The following IL1RAPL1 variants were observed in gnomAD, a reference collection of about 807,000 sequenced individuals.
IL1RAPL1 encodes the protein interleukin-1 receptor accessory protein-like 1.
A neutral mutation model predicts 48.4 loss-of-function variants in IL1RAPL1; 3 were observed. The ratio of observed to expected loss-of-function variants is 0.06; its 90% confidence interval spans 0.03 to 0.16. IL1RAPL1 has a LOEUF of 0.16. IL1RAPL1 is among the 10% of genes least tolerant of loss of function. The pLI is 1.00. For synonymous variants in IL1RAPL1, 185 were observed against 187.7 expected (o/e 0.99, Z 0.12); for missense variants, 349 against 530.6 (o/e 0.66, Z 3.36).
chrX:29,122,615 A>G (rs1347707755), intron 2 of IL1RAPL1, among the ~76,000 whole-genome samples: 2 of 110,813 alleles, frequency 1.8e-5, no homozygotes, highest in Non-Finnish European at 3.8e-5. Context: ...AAATTGGGCA[A>G]TATCAATGAC....
chrX:29,935,710 T>C (rs1933022149), intron 8 of IL1RAPL1, among the ~76,000 whole-genome samples: 1 of 111,724 alleles, frequency 9.0e-6, no homozygotes. Flanking sequence ...GAATAGTTCA[T>C]TAACACATAA....
At chrX:28,695,816 C>A (rs1935224095) in intron 1 of IL1RAPL1, among the ~76,000 whole-genome samples, 1 of 111,653 alleles carries the variant, frequency 9.0e-6, no homozygotes, top group South Asian at 3.7e-4. Context: ...ATTGGCCCAG[C>A]CATGAAGAGT....
intron 1 of IL1RAPL1, among the ~76,000 whole-genome samples, chrX:28,707,963 C>T (rs1236327024): frequency 9.0e-6 from 1 of 110,851 alleles, no homozygotes; most frequent in Non-Finnish European, 1.9e-5. Context: ...CTTTTTTTTC[C>T]AAAGCATCAA....
chrX:29,739,717 A>G (rs1033710956), intron 6 of IL1RAPL1, among the ~76,000 whole-genome samples: 4 of 111,313 alleles, frequency 3.6e-5, no homozygotes, highest in Non-Finnish European at 7.5e-5. Flanking sequence ...AATTTAGAGT[A>G]CCTTGCTCTT....
intron 6 of IL1RAPL1, among the ~76,000 whole-genome samples, chrX:29,914,823 A>T (rs1310335901): frequency 8.9e-6 from 1 of 112,795 alleles, no homozygotes; most frequent in Non-Finnish European, 1.9e-5. Context: ...CAATCAATGG[A>T]ATTGACATTT....
chrX:29,446,791 G>A (rs1934617349), intron 5 of IL1RAPL1, among the ~76,000 whole-genome samples: 1 of 111,446 alleles, frequency 9.0e-6, no homozygotes, highest in African/African-American at 3.3e-5. Context: ...ATAATGCCCA[G>A]TATAATTTAG....
intron 5 of IL1RAPL1, among the ~76,000 whole-genome samples, chrX:29,604,696 G>C (rs1043442172): frequency 9.0e-6 from 1 of 111,709 alleles, no homozygotes; most frequent in African/African-American, 3.3e-5. Flanking sequence ...CAACATACAA[G>C]TCATTTTTGA....
At chrX:29,547,269 T>C (rs774502337) in intron 5 of IL1RAPL1, among the ~76,000 whole-genome samples, 1 of 111,625 alleles carries the variant, frequency 9.0e-6, no homozygotes, top group East Asian at 2.8e-4. Context: ...CATATTAATA[T>C]GTTTTAACTC....
chrX:29,744,810 A>G (rs1277510402), intron 6 of IL1RAPL1, among the ~76,000 whole-genome samples: 1 of 112,297 alleles, frequency 8.9e-6, no homozygotes, highest in Non-Finnish European at 1.9e-5. Context: ...ATAATTTGTG[A>G]TGGAAATAAA....
At chrX:29,115,927 G>A (rs1928669047) in intron 2 of IL1RAPL1, among the ~76,000 whole-genome samples, 1 of 109,106 alleles carries the variant, frequency 9.2e-6, no homozygotes. Flanking sequence ...TATTATTTTA[G>A]GTGTTACTCT....
chrX:28,594,052 T>C (rs1403139411), intron 1 of IL1RAPL1, among the ~76,000 whole-genome samples: 4 of 111,823 alleles, frequency 3.6e-5, no homozygotes, highest in African/African-American at 1.3e-4. Flanking sequence ...AAATGCATGG[T>C]TTATTCTATC....
intron 2 of IL1RAPL1, among the ~76,000 whole-genome samples, chrX:29,036,962 G>C (rs760281558): frequency 8.9e-6 from 1 of 111,827 alleles, no homozygotes; most frequent in Non-Finnish European, 1.9e-5. Context: ...TTTTGAAAGT[G>C]CTACTATAAG....
At chrX:29,486,396 TC>T (rs962520508) in intron 5 of IL1RAPL1, among the ~76,000 whole-genome samples, 1 of 109,904 alleles carries the variant, frequency 9.1e-6, no homozygotes, top group Non-Finnish European at 1.9e-5. Flanking sequence ...AATTCGAATC[TC>T]CCCAAAATAG....
Position 29,646,742 on chromosome X carries a change from GTA to G in IL1RAPL1, c.704-21687_704-21686del, listed in dbSNP as rs1925339675. Among the ~76,000 whole-genome samples, 3 of 110,411 alleles carry G rather than the reference GTA, an allele frequency of 2.7e-5. No individual in the cohort carries two copies. The Admixed American group carries it at 2.9e-4, about 11-fold the overall frequency. ...AAAAAAGAAAATAAAGGGAGTTTCAGTACACTTAGCAGTAGCAGCACATTTCT... is the reference window on the plus strand; with the variant it reads ...AAAAAAGAAAATAAAGGGAGTTTCAGCACTTAGCAGTAGCAGCACATTTCT... On this transcript the variant is annotated intron_variant, in intron 5 of 10. Coordinates refer to ENST00000378993, the MANE Select transcript of IL1RAPL1 (RefSeq NM_014271.4).
At chrX:29,240,226 T>A (rs201523916) in intron 2 of IL1RAPL1, among the ~76,000 whole-genome samples, 20 of 23,138 alleles carry the variant, frequency 8.6e-4, no homozygotes, top group African/African-American at 2.9e-3. Flanking sequence ...ATATATATAT[T>A]TTTTTTTTTT....
At chrX:29,133,039 G>A (rs1043819769) in intron 2 of IL1RAPL1, among the ~76,000 whole-genome samples, 11 of 111,088 alleles carry the variant, frequency 9.9e-5, no homozygotes, top group African/African-American at 3.6e-4. Context: ...CCTCTATTGT[G>A]AGGATAATTT....
chrX:29,751,915 G>T (rs1156969979), intron 6 of IL1RAPL1, among the ~76,000 whole-genome samples: 2 of 106,700 alleles, frequency 1.9e-5, no homozygotes, highest in Admixed American at 1.0e-4. Context: ...CTGGACAACA[G>T]AGTGAGACCT....
At chrX:29,459,168 A>G (rs1409983743) in intron 5 of IL1RAPL1, among the ~76,000 whole-genome samples, 1 of 112,029 alleles carries the variant, frequency 8.9e-6, no homozygotes, top group Non-Finnish European at 1.9e-5. Context: ...ACTTGCTATT[A>G]TTCTTGAAGC....
chrX:29,224,743 G>C (rs1399156245), intron 2 of IL1RAPL1, among the ~76,000 whole-genome samples: 1 of 111,848 alleles, frequency 8.9e-6, no homozygotes, highest in African/African-American at 3.2e-5. Flanking sequence ...TGAGCTGTTA[G>C]GGAACTTTAA....
Sources: gnomAD v4.1 joint callset for allele counts (sites outside exome capture counted in the v4.1 genomes callset) on GRCh38, gnomAD v4.1.1 for gene constraint, MANE v1.5 for transcripts, NCBI Gene and HGNC (gene_info 2026-07-23, HGNC 2026-07-21) for gene names.